GRM5: variants seen among roughly 807,000 people sequenced by gnomAD.
GRM5 encodes glutamate metabotropic receptor 5.
GRM5 carries 19 observed loss-of-function variants against 83.1 expected under a neutral mutation model. The ratio of observed to expected loss-of-function variants is 0.23; its 90% CI spans 0.16 to 0.34. The LOEUF is 0.34. Ranked by LOEUF, GRM5 falls within the 10% of genes least tolerant of loss-of-function variation. The pLI, the probability that GRM5 is intolerant of heterozygous loss-of-function variation, is 1.00. For synonymous variants in GRM5, 675 were observed against 633.6 expected, an observed-to-expected ratio of 1.07 and a Z score of -0.98; for missense variants, 1,160 against 1,588.3, an observed-to-expected ratio of 0.73 and a Z score of 4.58.
chr11:88,753,791 G>T (rs1359290081), intron 3 of GRM5, among the ~76,000 whole-genome samples: 2 of 152,028 alleles, frequency 1.3e-5, no homozygotes, highest in Non-Finnish European at 2.9e-5. Flanking sequence ...AAAGAAAAAG[G>T]TTTACTGGCC....
At chr11:88,812,486 T>A (rs1943604686) in intron 3 of GRM5, among the ~76,000 whole-genome samples, 1 of 152,200 alleles carries the variant, frequency 6.6e-6, no homozygotes, top group Non-Finnish European at 1.5e-5. Context: ...ATGGAAGAGA[T>A]GGTTCTGAAC....
chr11:88,912,099 T>C (rs1479587594), intron 2 of GRM5: 3 of 444,856 alleles, frequency 6.7e-6, no homozygotes, highest in Non-Finnish European at 1.4e-5. Flanking sequence ...TATAACTTCC[T>C]AAAATGACCA....
chr11:88,996,210 T>G (rs1328683520), intron 2 of GRM5, among the ~76,000 whole-genome samples: 3 of 152,202 alleles, frequency 2.0e-5, no homozygotes, highest in Admixed American at 6.5e-5. Context: ...ACACACAATT[T>G]GATTACAGCT....
intron 2 of GRM5, among the ~76,000 whole-genome samples, chr11:89,033,649 A>G (rs538548036): frequency 9.2e-5 from 14 of 152,066 alleles, no homozygotes; most frequent in African/African-American, 3.4e-4. Flanking sequence ...ATGTATTGAT[A>G]GATTGAAGGT....
At chr11:88,661,693 A>G (rs940287755) in intron 3 of GRM5, among the ~76,000 whole-genome samples, 1 of 152,170 alleles carries the variant, frequency 6.6e-6, no homozygotes, top group Non-Finnish European at 1.5e-5. Flanking sequence ...CACTAGTGAA[A>G]AGCAAGGAAA....
chr11:88,926,687 C>G (rs558851939), intron 2 of GRM5, among the ~76,000 whole-genome samples: 5 of 152,270 alleles, frequency 3.3e-5, no homozygotes, highest in African/African-American at 1.2e-4. Context: ...CCAGATCTTA[C>G]AGTATGCTCC....
At chr11:89,028,135 T>C (rs1196030199) in intron 2 of GRM5, among the ~76,000 whole-genome samples, 1 of 152,200 alleles carries the variant, frequency 6.6e-6, no homozygotes, top group Non-Finnish European at 1.5e-5. Flanking sequence ...TACATTTCCG[T>C]TTATAAATAA....
At position 88,607,808 on chromosome 11, in the gene GRM5, A is replaced by T. The variant is rs569757103; in HGVS notation, c.1148-2844T>A. On this transcript the variant is annotated intron_variant, in intron 4 of 9. Transcript: ENST00000305447. ...GTCTTCTGCCTAGAATGTTCTGCCC[A>T]CAAGATTTGTGCAGGACAATTCTCC... Among the ~76,000 whole-genome samples, 6 of 152,290 alleles carry T rather than the reference A, an allele frequency of 3.9e-5. No individual in the cohort carries two copies. The East Asian group carries it at 9.6e-4, about 24-fold the overall frequency.
chr11:88,951,476 T>C (rs1048508926), intron 2 of GRM5, among the ~76,000 whole-genome samples: 2 of 152,244 alleles, frequency 1.3e-5, no homozygotes, highest in African/African-American at 4.8e-5. Flanking sequence ...CTATTTTGTG[T>C]TGGACGGTAA....
chr11:89,006,252 A>G (rs552130511), intron 2 of GRM5, among the ~76,000 whole-genome samples: 1 of 152,328 alleles, frequency 6.6e-6, no homozygotes, highest in East Asian at 1.9e-4. Context: ...GTTTCAAAGT[A>G]CTGATCTGAA....
intron 2 of GRM5, among the ~76,000 whole-genome samples, chr11:88,889,121 C>T (rs1047566444): frequency 6.6e-6 from 1 of 152,158 alleles, no homozygotes; most frequent in African/African-American, 2.4e-5. Flanking sequence ...AAGCACTAAT[C>T]TTGAGGGCTA....
intron 4 of GRM5, among the ~76,000 whole-genome samples, chr11:88,611,899 C>T (rs1458047753): frequency 6.6e-6 from 1 of 151,968 alleles, no homozygotes; most frequent in African/African-American, 2.4e-5. Flanking sequence ...TTAGCTATGT[C>T]CCACAGATTT....
At chr11:88,952,562 T>G (rs1938496958) in intron 2 of GRM5, among the ~76,000 whole-genome samples, 1 of 152,172 alleles carries the variant, frequency 6.6e-6, no homozygotes, top group East Asian at 1.9e-4. Flanking sequence ...CATTAACTTC[T>G]CAGTACCGCC....
chr11:88,720,523 TG>T (rs1941508721), intron 3 of GRM5, among the ~76,000 whole-genome samples: 1 of 148,822 alleles, frequency 6.7e-6, no homozygotes, highest in East Asian at 1.9e-4. Context: ...ACCAACTGGG[TG>T]AATAAGGCTA....
chr11:88,955,152 G>A (rs1938570239), intron 2 of GRM5, among the ~76,000 whole-genome samples: 1 of 152,150 alleles, frequency 6.6e-6, no homozygotes, highest in East Asian at 1.9e-4. Flanking sequence ...ACAATCAAAA[G>A]CAAAGATAAG....
At chr11:88,830,416 G>A (rs1444215396) in intron 3 of GRM5, among the ~76,000 whole-genome samples, 1 of 152,062 alleles carries the variant, frequency 6.6e-6, no homozygotes, top group Non-Finnish European at 1.5e-5. Flanking sequence ...AAAAACAAAA[G>A]TAAAAAATCT....
intron 2 of GRM5, among the ~76,000 whole-genome samples, chr11:89,043,227 C>T (rs998567589): frequency 3.3e-5 from 5 of 152,150 alleles, no homozygotes; most frequent in African/African-American, 1.2e-4. Flanking sequence ...ATGATGGGCA[C>T]TCTAATAGGC....
At chr11:88,715,393 A>T (rs1941378129) in intron 3 of GRM5, among the ~76,000 whole-genome samples, 1 of 151,050 alleles carries the variant, frequency 6.6e-6, no homozygotes, top group Admixed American at 6.7e-5. Flanking sequence ...ATGATTCTTC[A>T]ACTATATTTT....
rs1238250102 is a variant in GRM5 at position 88,530,920 on chromosome 11, A to G, written c.2631-5516T>C. On this transcript the variant is annotated intron_variant, in intron 8 of 9. Transcript: ENST00000305447. ...AATAGGAACATTAAAATGTATTAGA[A>G]CTGGGGGGAAGAAAGAAGCTTGGTA... Among the ~76,000 whole-genome samples, 6 of 152,028 alleles carry G rather than the reference A, an allele frequency of 3.9e-5. 1 individual carries two copies. Among genetic ancestry groups the G allele is most frequent in the African/African-American group, 1.4e-4 (6 of 41,440 alleles).
Sources: allele counts gnomAD v4.1 joint callset (sites outside exome capture counted in the v4.1 genomes callset), GRCh38; gene constraint gnomAD v4.1.1; transcripts MANE v1.5; gene names NCBI Gene and HGNC (gene_info 2026-07-23, HGNC 2026-07-21).